NFXL1: variants seen among roughly 807,000 people sequenced by gnomAD.
NFXL1 encodes NF-X1-type zinc finger protein NFXL1.
In NFXL1, 66 loss-of-function variants were observed where a neutral mutation model predicts 123.3. That is an observed-to-expected ratio of 0.54 (90% CI 0.44 to 0.66). The LOEUF (loss-of-function observed/expected upper bound fraction) is 0.66, where lower values mean the gene tolerates loss of function less well. Among genes scored for constraint, NFXL1 ranks in the 30% least tolerant of loss-of-function variants. NFXL1 has a pLI of 0.00. For synonymous variants in NFXL1, 346 were observed against 360.8 expected (o/e 0.96, Z 0.46); for missense variants, 944 against 1,125.6 (o/e 0.84, Z 2.31).
intron 22 of NFXL1, among the ~76,000 whole-genome samples, chr4:47,849,106 G>A (rs184682476): frequency 1.3e-5 from 2 of 152,178 alleles, no homozygotes; most frequent in East Asian, 3.9e-4. Context: ...AAACATTAGT[G>A]GCTTTTAAGA....
At chr4:47,912,885 C>A (rs1184840635) in intron 2 of NFXL1, among the ~76,000 whole-genome samples, 1 of 149,520 alleles carries the variant, frequency 6.7e-6, no homozygotes, top group African/African-American at 2.4e-5. Context: ...TGGTGGCAGG[C>A]GCCTGTAGTC....
At chr4:47,914,257 G>A (rs1434460953) in intron 1 of NFXL1, 52 bp from the exon 2 acceptor site, 3 of 1,358,828 alleles carry the variant, frequency 2.2e-6, no homozygotes, top group Non-Finnish European at 2.9e-6. Context: ...GCGCAGCGAG[G>A]ACCGAGGCGA....
At chr4:47,890,932 T>G (rs1736730118) in intron 11 of NFXL1, among the ~76,000 whole-genome samples, 1 of 152,182 alleles carries the variant, frequency 6.6e-6, no homozygotes, top group African/African-American at 2.4e-5. Context: ...TTAATTATTC[T>G]ATGATTCAAA....
chr4:47,898,743 G>A lies in NFXL1; in HGVS notation c.1089+14C>T. The A allele has an allele frequency of 8.3e-7, 1 of 1,208,810 alleles. No homozygotes were observed. Among genetic ancestry groups the A allele is most frequent in the African/African-American group, 1.5e-5 (1 of 66,950 alleles). 74.9% of individuals were successfully genotyped at this position (1,208,810 alleles called of 1,614,324 possible). ...CTCTTTAATACCCACCCCTCAAAAT[G>A]CATATAAACTTACTTGATCACAGTG... is the stretch of plus-strand genomic sequence containing the variant. On this transcript the variant is annotated intron_variant, in intron 8 of 22. Coordinates refer to ENST00000507489, the MANE Select transcript of NFXL1 (RefSeq NM_001278624.2).
chr4:47,863,958 A>C (rs970261571), intron 18 of NFXL1, among the ~76,000 whole-genome samples: 1 of 152,186 alleles, frequency 6.6e-6, no homozygotes, highest in African/African-American at 2.4e-5. Context: ...TTCACCAGAC[A>C]TAACTGCCAA....
Position 47,899,138 on chromosome 4 carries a change from CA to C in NFXL1, c.827-19del, listed in dbSNP as rs3057881. 44,044 of 1,188,374 alleles carry C rather than the reference CA, an allele frequency of 0.037. 8 individuals are homozygous for C. Among genetic ancestry groups the C allele is most frequent in the East Asian group, 0.062 (2,129 of 34,342 alleles). 73.6% of individuals were successfully genotyped at this position (1,188,374 alleles called of 1,614,324 possible). A position where few individuals can be genotyped will look rare whatever the true frequency, so the allele number is the denominator to read the frequency against. ...GCAGGGACCTAGAATTCAGTAAAAG[CA>C]AAAAAAAAAAAAAAAAAAAAATCTA... On this transcript the variant is annotated intron_variant, in intron 6 of 22. Coordinates refer to ENST00000507489, the MANE Select transcript of NFXL1 (RefSeq NM_001278624.2).
In NFXL1 at chr4:47,898,098, T is replaced by C; in HGVS notation, c.1090-17A>G. On this transcript the variant is annotated splice_polypyrimidine_tract_variant and intron_variant, in intron 8 of 22. Coordinates refer to ENST00000507489, the MANE Select transcript of NFXL1 (RefSeq NM_001278624.2). Reference sequence around the variant, plus strand: ...TCCACATACCTAAAATAAAATGCAATAAACACTAATGAAGGATTTAAAAGT... The same window carrying C: ...TCCACATACCTAAAATAAAATGCAACAAACACTAATGAAGGATTTAAAAGT... 2 of 1,455,310 alleles carry C rather than the reference T, an allele frequency of 1.4e-6. No homozygotes were observed. Among genetic ancestry groups the C allele is most frequent in the Non-Finnish European group, 1.9e-6 (2 of 1,050,586 alleles). 90.1% of individuals were successfully genotyped at this position (1,455,310 alleles called of 1,614,324 possible).
intron 20 of NFXL1, among the ~76,000 whole-genome samples, chr4:47,854,308 GA>G (rs953627261): frequency 6.6e-5 from 10 of 151,060 alleles, no homozygotes; most frequent in Non-Finnish European, 1.2e-4. Flanking sequence ...GAATATGAAG[GA>G]AAAAAAAGGA....
chr4:47,877,168 AT>A, intron 17 of NFXL1: 1 of 469,024 alleles, frequency 2.1e-6, no homozygotes, highest in South Asian at 1.5e-5. Flanking sequence ...TCATGGACAA[AT>A]CACAGAGCTT....
intron 18 of NFXL1, among the ~76,000 whole-genome samples, chr4:47,869,970 A>G (rs1735329315): frequency 6.6e-6 from 1 of 152,122 alleles, no homozygotes; most frequent in Non-Finnish European, 1.5e-5. Flanking sequence ...GATGAAATAG[A>G]TAATTTCTAA....
chr4:47,913,056 G>A (rs572022582), intron 2 of NFXL1, among the ~76,000 whole-genome samples: 3 of 145,474 alleles, frequency 2.1e-5, no homozygotes, highest in South Asian at 2.2e-4. Flanking sequence ...CTGTTCACAC[G>A]TCTCCATATT....
Position 47,903,479 on chromosome 4 carries a change from T to C in NFXL1, c.517-156A>G, listed in dbSNP as rs571861367. On this transcript the variant is annotated intron_variant, in intron 4 of 22. Coordinates refer to ENST00000507489, the MANE Select transcript of NFXL1 (RefSeq NM_001278624.2). ...CCAGTATAACAGAAGAACTGTTTCATGGGAAATGCATTTAAATGTAGGATA... is the reference window on the plus strand; with the variant it reads ...CCAGTATAACAGAAGAACTGTTTCACGGGAAATGCATTTAAATGTAGGATA... Among the ~76,000 whole-genome samples the C allele has an allele frequency of 3.9e-5, 6 of 152,336 alleles. No individual in the cohort carries two copies. In the East Asian group the frequency reaches 1.2e-3, roughly 29 times the overall value.
chr4:47,899,561 A>G lies in NFXL1; in HGVS notation c.648-13T>C, dbSNP rs761527039. 7 of 1,570,608 alleles carry G rather than the reference A, an allele frequency of 4.5e-6. No homozygotes were observed. The highest frequency in any genetic ancestry group is 1.7e-5 in the Admixed American group (1 of 59,064). On this transcript the variant is annotated splice_polypyrimidine_tract_variant and intron_variant, in intron 5 of 22. Coordinates refer to ENST00000507489, the MANE Select transcript of NFXL1 (RefSeq NM_001278624.2). Reference sequence around the variant, plus strand: ...CCTACATTTTGGACTACAAAGAAGAAGAAAATTATTAAAGCTAACTTCACC... The same window carrying G: ...CCTACATTTTGGACTACAAAGAAGAGGAAAATTATTAAAGCTAACTTCACC...
intron 18 of NFXL1, among the ~76,000 whole-genome samples, chr4:47,864,319 G>A (rs1734933242): frequency 6.6e-6 from 1 of 152,114 alleles, no homozygotes. Context: ...TTTCGTCCAC[G>A]GTTCTTGGCT....
At chr4:47,869,204 A>G (rs916656106) in intron 18 of NFXL1, among the ~76,000 whole-genome samples, 1 of 152,194 alleles carries the variant, frequency 6.6e-6, no homozygotes, top group African/African-American at 2.4e-5. Flanking sequence ...CAGCTTGGCC[A>G]ATAGAGTAAG....
intron 17 of NFXL1, among the ~76,000 whole-genome samples, chr4:47,878,002 A>G (rs571812328): frequency 2.6e-5 from 4 of 152,168 alleles, no homozygotes; most frequent in African/African-American, 7.2e-5. Context: ...GTTCTCATAC[A>G]CTTGTAAAAT....
intron 12 of NFXL1, among the ~76,000 whole-genome samples, chr4:47,888,726 G>C (rs1241992681): frequency 1.3e-5 from 2 of 151,714 alleles, no homozygotes; most frequent in East Asian, 3.9e-4. Context: ...AAGCAACCTA[G>C]TTTCTTCAAC....
At chr4:47,907,918 T>TA (rs1737635095) in intron 3 of NFXL1, among the ~76,000 whole-genome samples, 1 of 152,216 alleles carries the variant, frequency 6.6e-6, no homozygotes, top group African/African-American at 2.4e-5. Flanking sequence ...ACCTTAGAGT[T>TA]ACTTTTTATC....
At chr4:47,855,953 T>C (rs1321258864) in intron 19 of NFXL1, among the ~76,000 whole-genome samples, 1 of 152,164 alleles carries the variant, frequency 6.6e-6, no homozygotes, top group African/African-American at 2.4e-5. Flanking sequence ...AATGGCCTGA[T>C]ATAAATCTGC....
Sources: gnomAD v4.1 joint callset for allele counts (sites outside exome capture counted in the v4.1 genomes callset) on GRCh38, gnomAD v4.1.1 for gene constraint, MANE v1.5 for transcripts, NCBI Gene and HGNC (gene_info 2026-07-23, HGNC 2026-07-21) for gene names.